Variants in SS18L2 observed in about 807,000 individuals in gnomAD.
SS18L2 encodes the protein SS18-like protein 2.
A neutral mutation model predicts 10.3 loss-of-function variants in SS18L2; 8 were observed. That is an observed-to-expected ratio of 0.78 (90% CI 0.46 to 1.41). The LOEUF is 1.41. Ranked by LOEUF, SS18L2 falls within the 40% of genes most tolerant of loss-of-function variation. The pLI, the probability that SS18L2 is intolerant of heterozygous loss-of-function variation, is 0.00. For synonymous variants in SS18L2, 41 were observed against 34.6 expected (o/e 1.19, Z -0.65); for missense variants, 100 against 96.2 (o/e 1.04, Z -0.17).
In SS18L2 at chr3:42,596,273, C is replaced by CA. The variant is rs1481791842; in HGVS notation, c.*1765dup. Among the ~76,000 whole-genome samples the CA allele has an allele frequency of 6.6e-6, 1 of 152,202 alleles. No individual in the cohort carries two copies. The highest frequency in any genetic ancestry group is 6.5e-5 in the Admixed American group (1 of 15,276). On this transcript the variant is annotated 3_prime_UTR_variant, in exon 3 of 3. Transcript: ENST00000011691. Reference sequence around the variant, plus strand: ...ACGACCTCAGGTGATCCACCTGCCTCAGCCTCCTAGAGTGCTGGGATTACA... The same window carrying CA: ...ACGACCTCAGGTGATCCACCTGCCTCAAGCCTCCTAGAGTGCTGGGATTACA...
rs1704967711 is a variant in SS18L2, at chr3:42,594,420, A to C, written c.147-2A>C. ...GATTTTTGCCTGTTTTTTTGCCCAT[A>C]GGTACCAGCATGTGTTACATAGAAA... On this transcript the variant is annotated splice_acceptor_variant, in intron 2 of 2. Transcript: ENST00000011691. LOFTEE classifies it high-confidence loss of function. 7 of 1,610,666 alleles carry C rather than the reference A, an allele frequency of 4.3e-6. No individual in the cohort carries two copies. Among genetic ancestry groups the C allele is most frequent in the Non-Finnish European group, 5.9e-6 (7 of 1,178,036 alleles).
chr3:42,593,184 G>A (rs1011426115), intron 2 of SS18L2, among the ~76,000 whole-genome samples: 15 of 152,082 alleles, frequency 9.9e-5, no homozygotes, highest in Admixed American at 7.2e-4. Flanking sequence ...AGGCTGAGGC[G>A]GGCAGATCAT....
chr3:42,594,389 G>A, intron 2 of SS18L2, 33 bp from the exon 3 acceptor site: 1 of 1,560,964 alleles, frequency 6.4e-7, no homozygotes, highest in Middle Eastern at 1.7e-4. Flanking sequence ...GTAAAAACAA[G>A]CCTCTGATTT....
In SS18L2 at chr3:42,590,868, T is replaced by C. The variant is rs748904580; in HGVS notation, c.-30T>C. On this transcript the variant is annotated 5_prime_UTR_variant, in exon 1 of 3. Coordinates refer to ENST00000011691, the MANE Select transcript of SS18L2 (RefSeq NM_001370300.1). ...CCCACCTATCGTGGGTCGAGTTGCT[T>C]GGCGGTCGTGGTTCCGGAGGTTCCT... 8.1e-6 allele frequency: 13 copies of C among 1,609,238 alleles called. No individual in the cohort carries two copies. Among genetic ancestry groups the C allele is most frequent in the South Asian group, 1.1e-5 (1 of 91,010 alleles).
At position 42,590,953 on chromosome 3, in the gene SS18L2, A is replaced by AGACTATCCAGCGGGTG; in HGVS notation, c.57_69+3dup. 8.0e-7 allele frequency: 1 copy of AGACTATCCAGCGGGTG among 1,253,460 alleles called. No individual in the cohort carries two copies. The highest frequency in any genetic ancestry group is 1.1e-6 in the Non-Finnish European group (1 of 918,306). 77.6% of individuals were successfully genotyped at this position (1,253,460 alleles called of 1,614,324 possible). Reference sequence around the variant, plus strand: ...AGGGGCAAGGCGGAAGTCAATCAAGAGACTATCCAGCGGGTGAGCATCCAC... The same window carrying AGACTATCCAGCGGGTG: ...AGGGGCAAGGCGGAAGTCAATCAAGAGACTATCCAGCGGGTGGACTATCCAGCGGGTGAGCATCCAC... On this transcript the variant is annotated frameshift_variant, in exon 1 of 3. Coordinates refer to ENST00000011691, the MANE Select transcript of SS18L2 (RefSeq NM_001370300.1). LOFTEE classifies it high-confidence loss of function.
chr3:42,589,424 A>C (rs1704736242), upstream of SS18L2, among the ~76,000 whole-genome samples: 1 of 152,096 alleles, frequency 6.6e-6, no homozygotes, highest in South Asian at 2.1e-4. Flanking sequence ...CCTTTTTAGG[A>C]GTGTAGGTTC....
At chr3:42,584,019 T>C (rs959437834) in intron 1 of SS18L2, among the ~76,000 whole-genome samples, 31 of 152,194 alleles carry the variant, frequency 2.0e-4, no homozygotes, top group African/African-American at 7.5e-4. Flanking sequence ...TGAAGCAGTC[T>C]ACCAGCCTCC....
intron 1 of SS18L2, among the ~76,000 whole-genome samples, chr3:42,585,208 T>C (rs1704571496): frequency 6.6e-6 from 1 of 152,204 alleles, no homozygotes; most frequent in East Asian, 1.9e-4. Context: ...GCGAGTGCTT[T>C]AGAACAGGAC....
rs1320484705 is a variant in SS18L2, at chr3:42,595,224, A to G, written c.*715A>G. The G allele has an allele frequency of 2.0e-5, 3 of 152,234 alleles. No individual in the cohort carries two copies. Among genetic ancestry groups the G allele is most frequent in the East Asian group, 1.9e-4 (1 of 5,208 alleles). 9.4% of individuals were successfully genotyped at this position (152,234 alleles called of 1,614,324 possible). ...TTGATTTGTCTGAACCAGAATCCAA[A>G]TAAGATTCACATGTTGTATTTTGTT... On this transcript the variant is annotated 3_prime_UTR_variant, in exon 3 of 3. Coordinates refer to ENST00000011691, the MANE Select transcript of SS18L2 (RefSeq NM_001370300.1).
upstream of SS18L2, among the ~76,000 whole-genome samples, chr3:42,588,295 C>T (rs995297603): frequency 2.0e-5 from 3 of 151,712 alleles, no homozygotes; most frequent in African/African-American, 7.3e-5. Context: ...TCCCAGACTA[C>T]TCGGGAGGCT....
At chr3:42,584,554 C>T (rs928084076) in intron 1 of SS18L2, among the ~76,000 whole-genome samples, 5 of 152,220 alleles carry the variant, frequency 3.3e-5, no homozygotes, top group Admixed American at 3.3e-4. Flanking sequence ...CCACGCCTAG[C>T]CGGGACATAG....
chr3:42,594,413 T>G lies in SS18L2; in HGVS notation c.147-9T>G. 1 of 1,608,352 alleles carries G rather than the reference T, an allele frequency of 6.2e-7. No individual in the cohort carries two copies. The highest frequency in any genetic ancestry group is 1.1e-5 in the South Asian group (1 of 89,958). On this transcript the variant is annotated splice_polypyrimidine_tract_variant and intron_variant, in intron 2 of 2. Transcript: ENST00000011691. ...AGCCTCTGATTTTTGCCTGTTTTTT[T>G]GCCCATAGGTACCAGCATGTGTTAC...
rs1705041701 is a variant in SS18L2 at position 42,596,658 on chromosome 3, ACTTTTAT to A, written c.*2153_*2159del. Among the ~76,000 whole-genome samples the A allele has an allele frequency of 2.0e-5, 3 of 152,234 alleles. No homozygotes were observed. Among genetic ancestry groups the A allele is most frequent in the Admixed American group, 6.5e-5 (1 of 15,282 alleles). On this transcript the variant is annotated 3_prime_UTR_variant, in exon 3 of 3. Transcript: ENST00000011691. ...ACCTTAATCACAGACCAAATTGCATACTTTTATCTTCGAATCATCTAAAATATAATTT... is the reference window on the plus strand; with the variant it reads ...ACCTTAATCACAGACCAAATTGCATACTTCGAATCATCTAAAATATAATTT...
In SS18L2 at chr3:42,594,614, G is replaced by C. The variant is rs1208183050; in HGVS notation, c.*105G>C. ...AGACAGGGTCTTTACCAACTCAACT[G>C]GTTAAAACATGAATGAAACCTCTGT... On this transcript the variant is annotated 3_prime_UTR_variant, in exon 3 of 3. Coordinates refer to ENST00000011691, the MANE Select transcript of SS18L2 (RefSeq NM_001370300.1). The C allele has an allele frequency of 3.8e-5, 36 of 942,202 alleles. No homozygotes were observed. Among genetic ancestry groups the C allele is most frequent in the Non-Finnish European group, 5.7e-5 (35 of 609,386 alleles). 58.4% of individuals were successfully genotyped at this position (942,202 alleles called of 1,614,324 possible). A position where few individuals can be genotyped will look rare whatever the true frequency, so the allele number is the denominator to read the frequency against.
chr3:42,583,837 G>A (rs1413224157), intron 1 of SS18L2, among the ~76,000 whole-genome samples: 1 of 152,200 alleles, frequency 6.6e-6, no homozygotes. Flanking sequence ...AACTCTAGGA[G>A]ATTAGGTAGT....
At position 42,594,795 on chromosome 3, in the gene SS18L2, T is replaced by A. The variant is rs574606229; in HGVS notation, c.*286T>A. The A allele has an allele frequency of 1.6e-5, 4 of 242,910 alleles. No individual in the cohort carries two copies. The Admixed American group carries it at 2.1e-4, about 13-fold the overall frequency. The allele number at this position is 242,910 out of a possible 1,614,324, so 15.0% of individuals were successfully genotyped here. ...CATGTTTGGATAACAAAGACATCAC[T>A]GGGATGTTCAAGTCTACTTTTTAGT... On this transcript the variant is annotated 3_prime_UTR_variant, in exon 3 of 3. Coordinates refer to ENST00000011691, the MANE Select transcript of SS18L2 (RefSeq NM_001370300.1).
upstream of SS18L2, among the ~76,000 whole-genome samples, chr3:42,588,131 C>T (rs704982): frequency 0.27 from 41,293 of 151,586 alleles, 6,413 homozygotes; most frequent in East Asian, 0.49. Context: ...GGGCCAGGCA[C>T]GGTGGCTCAC....
chr3:42,592,714 A>G (rs1338815821), intron 2 of SS18L2, among the ~76,000 whole-genome samples: 2 of 152,184 alleles, frequency 1.3e-5, no homozygotes, highest in African/African-American at 2.4e-5. Context: ...TCCTTTTTCT[A>G]TATGAAAAAT....
At chr3:42,583,366 G>GA (rs1171382706) in intron 1 of SS18L2, among the ~76,000 whole-genome samples, 1 of 152,214 alleles carries the variant, frequency 6.6e-6, no homozygotes, top group Non-Finnish European at 1.5e-5. Context: ...AGGACTTGGT[G>GA]ATGAGTTGGA....
Sources: gnomAD v4.1 joint callset for allele counts (sites outside exome capture counted in the v4.1 genomes callset) on GRCh38, gnomAD v4.1.1 for gene constraint, MANE v1.5 for transcripts, NCBI Gene and HGNC (gene_info 2026-07-23, HGNC 2026-07-21) for gene names.